KDM3A: variants seen among roughly 807,000 people sequenced by gnomAD.
KDM3A encodes lysine-specific demethylase 3A.
A neutral mutation model predicts 158.0 loss-of-function variants in KDM3A; 60 were observed. The observed-to-expected ratio is 0.38, with a 90% CI of 0.31 to 0.47. The LOEUF is 0.47. Among genes scored for constraint, KDM3A ranks in the 20% least tolerant of loss-of-function variants. The probability of loss-of-function intolerance (pLI) is 0.99; values close to 1 mark genes in which losing one functional copy is unlikely to be tolerated. For missense variants in KDM3A, 1,319 were observed against 1,574.3 expected, an observed-to-expected ratio of 0.84 and a Z score of 2.74; for synonymous variants, 608 against 549.3, an observed-to-expected ratio of 1.11 and a Z score of -1.49.
chr2:86,444,644 T>G (rs1035705548), intron 2 of KDM3A, among the ~76,000 whole-genome samples: 29 of 146,094 alleles, frequency 2.0e-4, no homozygotes, highest in African/African-American at 7.4e-4. Flanking sequence ...GGGCATTAAG[T>G]TTTTGGGGGG....
At chr2:86,438,540 T>C (rs576142510), upstream of KDM3A, among the ~76,000 whole-genome samples, 1 of 152,066 alleles carries the variant, frequency 6.6e-6, no homozygotes, top group Non-Finnish European at 1.5e-5. Flanking sequence ...GGAATGCATA[T>C]GTAAAATAAT....
chr2:86,443,074 G>A (rs1682805520), intron 2 of KDM3A: 1 of 152,164 alleles, frequency 6.6e-6, no homozygotes, highest in Admixed American at 6.5e-5. Context: ...AAGCAGTGAG[G>A]AAGCCATTGT....
At chr2:86,450,025 A>G in intron 3 of KDM3A, 63 bp downstream of exon 3, 2 of 1,488,980 alleles carry the variant, frequency 1.3e-6, no homozygotes, top group Non-Finnish European at 1.8e-6. Flanking sequence ...TGTGGGTACA[A>G]AAGGAATATG....
At chr2:86,490,845 GT>G in intron 23 of KDM3A, 35 bp from the exon 24 acceptor site, 1 of 1,556,696 alleles carries the variant, frequency 6.4e-7, no homozygotes, top group Non-Finnish European at 8.7e-7. Flanking sequence ...GCCTTAGCAT[GT>G]TACTGAGTTG....
At position 86,470,293 on chromosome 2, in the gene KDM3A, G is replaced by A. The variant is rs149675674; in HGVS notation, c.1609G>A (p.Val537Met). ...GEAFVQDDSC[V>M]NIVAQLPKCR... ...GGCCTTCGTACAGGATGATTCTTGTGTGAACATCGTGGCACAGTTGCCTAA... is the reference window on the plus strand; with the variant it reads ...GGCCTTCGTACAGGATGATTCTTGTATGAACATCGTGGCACAGTTGCCTAA... Residue 537 changes from valine to methionine, a missense_variant, in exon 11 of 26, where the codon GTG becomes ATG. Val to Met is a conservative substitution (Grantham distance 21). Around this residue, in one of 4 missense-constraint regions of KDM3A, gnomAD observed 652 missense variants for 627.2 expected, o/e 1.04. Coordinates refer to ENST00000312912, the MANE Select transcript of KDM3A (RefSeq NM_018433.6). The A allele has an allele frequency of 4.3e-6, 7 of 1,613,996 alleles. No homozygotes were observed. The African/African-American group carries it at 9.3e-5, about 22-fold the overall frequency.
chr2:86,466,079 AG>A (rs1045621941), intron 9 of KDM3A, among the ~76,000 whole-genome samples: 9 of 152,150 alleles, frequency 5.9e-5, no homozygotes, highest in African/African-American at 2.2e-4. Flanking sequence ...GGGAAAGCTA[AG>A]GTTCATTGTG....
In KDM3A at chr2:86,492,224, G is replaced by C. The variant is rs1018344321; in HGVS notation, c.*105G>C. 3.2e-5 allele frequency: 26 copies of C among 803,580 alleles called. No individual in the cohort carries two copies. Among genetic ancestry groups the C allele is most frequent in the Admixed American group, 6.3e-5 (3 of 47,366 alleles). The allele number at this position is 803,580 out of a possible 1,614,324, so 49.8% of individuals were successfully genotyped here. A position where few individuals can be genotyped will look rare whatever the true frequency, so the allele number is the denominator to read the frequency against. ...GTTACCTCATCTTCTTTTTTAAACTGTACCCAACTTGTGAGGGTACTCTGT... is the reference window on the plus strand; with the variant it reads ...GTTACCTCATCTTCTTTTTTAAACTCTACCCAACTTGTGAGGGTACTCTGT... On this transcript the variant is annotated 3_prime_UTR_variant, in exon 26 of 26. Coordinates refer to ENST00000312912, the MANE Select transcript of KDM3A (RefSeq NM_018433.6).
chr2:86,465,061 G>C (rs569985360), intron 9 of KDM3A, among the ~76,000 whole-genome samples: 2 of 152,214 alleles, frequency 1.3e-5, no homozygotes, highest in South Asian at 4.1e-4. Context: ...TTTTTCATCT[G>C]AGTGTTTAAA....
At chr2:86,459,345 C>A (rs1672832693) in intron 8 of KDM3A, among the ~76,000 whole-genome samples, 1 of 152,074 alleles carries the variant, frequency 6.6e-6, no homozygotes, top group Non-Finnish European at 1.5e-5. Context: ...ATAATAATTT[C>A]TTTATGTCAG....
In KDM3A at chr2:86,442,008, G is replaced by GT. The variant is rs1287611508; in HGVS notation, c.-30-5dup. ...CGCCCCCGTCGCATTTTGTTTTTGT[G>GT]TTTTTGCAGGGAGGAGCTCTTCCTG... On this transcript the variant is annotated splice_polypyrimidine_tract_variant and intron_variant, in intron 1 of 25. Coordinates refer to ENST00000312912, the MANE Select transcript of KDM3A (RefSeq NM_018433.6). The GT allele has an allele frequency of 1.9e-6, 3 of 1,608,736 alleles. No individual in the cohort carries two copies. The highest frequency in any genetic ancestry group is 3.3e-5 in the Admixed American group (2 of 59,878).
At chr2:86,442,280 G>C in intron 2 of KDM3A, 47 bp downstream of exon 2, 2 of 1,532,784 alleles carry the variant, frequency 1.3e-6, no homozygotes, top group Non-Finnish European at 1.8e-6. Context: ...CGCAGTTACC[G>C]TGGTAACGCG....
At chr2:86,489,107 C>G (rs1054710930) in intron 21 of KDM3A, 1 of 516,266 alleles carries the variant, frequency 1.9e-6, no homozygotes, top group Admixed American at 3.7e-5. Flanking sequence ...TTAACCACTT[C>G]CATTTCCTGC....
chr2:86,477,484 G>A (rs1673713539), intron 12 of KDM3A, among the ~76,000 whole-genome samples: 1 of 152,164 alleles, frequency 6.6e-6, no homozygotes, highest in Non-Finnish European at 1.5e-5. Flanking sequence ...CCTGGAACAT[G>A]CTGCCTTTAA....
chr2:86,481,497 GT>G (rs540712988), intron 16 of KDM3A, among the ~76,000 whole-genome samples: 41 of 137,804 alleles, frequency 3.0e-4, no homozygotes, highest in East Asian at 8.3e-4. Context: ...GTTTGGTTTT[GT>G]TTTTTTTTTT....
upstream of KDM3A, among the ~76,000 whole-genome samples, chr2:86,437,688 T>C (rs768075228): frequency 7.2e-5 from 11 of 152,232 alleles, no homozygotes; most frequent in Admixed American, 2.6e-4. Flanking sequence ...TTTATACATG[T>C]CAGCAAAGTC....
At chr2:86,466,942 T>A in intron 10 of KDM3A, 59 bp downstream of exon 10, 1 of 1,309,146 alleles carries the variant, frequency 7.6e-7, no homozygotes, top group Non-Finnish European at 1.0e-6. Context: ...TATATATATC[T>A]CTTTCTTGTC....
chr2:86,464,309 G>GT, intron 9 of KDM3A, 93 bp downstream of exon 9: 5 of 970,562 alleles, frequency 5.2e-6, no homozygotes, highest in Non-Finnish European at 7.2e-6. Flanking sequence ...GTCCAGGGAG[G>GT]TTTTTCGTTA....
upstream of KDM3A, among the ~76,000 whole-genome samples, chr2:86,438,027 G>C (rs1170928253): frequency 6.6e-6 from 1 of 152,042 alleles, no homozygotes; most frequent in Non-Finnish European, 1.5e-5. Context: ...AGTAATGACA[G>C]CATTGGGCAT....
At chr2:86,471,363 GTGTATATA>G (rs1445948371) in intron 11 of KDM3A, among the ~76,000 whole-genome samples, 2 of 149,844 alleles carry the variant, frequency 1.3e-5, no homozygotes, top group Non-Finnish European at 3.0e-5. Context: ...GTGTGTATAT[GTGTATATA>G]TGTATATATA....
Sources: allele counts gnomAD v4.1 joint callset (sites outside exome capture counted in the v4.1 genomes callset), GRCh38; gene constraint gnomAD v4.1.1; regional missense constraint gnomAD v4.1.1; transcripts MANE v1.5; gene names NCBI Gene and HGNC (gene_info 2026-07-23, HGNC 2026-07-21).